SEPTIN5: variants seen among roughly 807,000 people sequenced by gnomAD.
The protein encoded by SEPTIN5 is septin-5.
Under a neutral mutation model 51.2 loss-of-function variants are expected in SEPTIN5, and 16 were observed. The ratio of observed to expected loss-of-function variants is 0.31; its 90% CI spans 0.21 to 0.47. The LOEUF is 0.47. Ranked by LOEUF, SEPTIN5 falls within the 20% of genes least tolerant of loss-of-function variation. The probability of loss-of-function intolerance (pLI) is 0.99; values close to 1 mark genes in which losing one functional copy is unlikely to be tolerated. For synonymous variants in SEPTIN5, 208 were observed against 191.2 expected, an observed-to-expected ratio of 1.09 and a Z score of -0.72; for missense variants, 376 against 500.3, an observed-to-expected ratio of 0.75 and a Z score of 2.37.
At chr22:19,719,720 G>A in intron 3 of SEPTIN5, 22 bp downstream of exon 3, 1 of 1,612,480 alleles carries the variant, frequency 6.2e-7, no homozygotes, top group Non-Finnish European at 8.5e-7. Context: ...AGGCTCCTCG[G>A]GGGAGTGGCT....
In SEPTIN5 at chr22:19,714,777, G is replaced by T. The variant is rs759749766; in HGVS notation, c.44-4G>T. On this transcript the variant is annotated splice_polypyrimidine_tract_variant and splice_region_variant and intron_variant, in intron 1 of 11. Coordinates refer to ENST00000455784, the MANE Select transcript of SEPTIN5 (RefSeq NM_002688.6). The surrounding 1 kb of genome is among the most constrained non-coding windows in gnomAD (Gnocchi z 5.2). The stretch of plus-strand genomic sequence containing the variant: ...CGGACTCGACCCCGACCCCGACCCC[G>T]CAGAGGACAAGCAGGTACGTGCGCA... The T allele has an allele frequency of 3.3e-6, 5 of 1,518,586 alleles. No individual in the cohort carries two copies. In the Admixed American group the frequency reaches 8.9e-5, roughly 27 times the overall value. 94.1% of individuals were successfully genotyped at this position (1,518,586 alleles called of 1,614,324 possible). A position where few individuals can be genotyped will look rare whatever the true frequency, so the allele number is the denominator to read the frequency against.
chr22:19,717,347 G>C (rs760578696), intron 2 of SEPTIN5: 16 of 470,424 alleles, frequency 3.4e-5, no homozygotes, highest in Non-Finnish European at 6.2e-5. Context: ...CCCACAGAGC[G>C]GAGCTCGGGA....
chr22:19,720,292 C>G, intron 5 of SEPTIN5, 28 bp from the exon 6 acceptor site: 1 of 1,613,418 alleles, frequency 6.2e-7, no homozygotes, highest in South Asian at 1.1e-5. Flanking sequence ...GCACTCGAGG[C>G]CTGGCCTCAC....
At position 19,717,205 on chromosome 22, in the gene SEPTIN5, C is replaced by T. The variant is rs1411942238; in HGVS notation, c.55-2397C>T. The T allele has an allele frequency of 7.0e-6, 3 of 428,944 alleles. No homozygotes were observed. In the East Asian group the frequency reaches 2.2e-4, roughly 31 times the overall value. 26.6% of individuals were successfully genotyped at this position (428,944 alleles called of 1,614,324 possible). On this transcript the variant is annotated intron_variant, in intron 2 of 11. Coordinates refer to ENST00000455784, the MANE Select transcript of SEPTIN5 (RefSeq NM_002688.6). ...CGGGTGGGGTGGGGTGGGGTTGGGG[C>T]CTCCAGCTTCTAATGTTCTAATGTG...
intron 2 of SEPTIN5, among the ~76,000 whole-genome samples, chr22:19,716,325 A>G (rs1277472654): frequency 6.6e-6 from 1 of 152,218 alleles, no homozygotes; most frequent in Non-Finnish European, 1.5e-5. Flanking sequence ...AGCCTGTCCA[A>G]GCATTCTTTT....
At position 19,714,810 on chromosome 22, in the gene SEPTIN5, T is replaced by TC. The variant is rs761060093; in HGVS notation, c.54+24dup. 1.9e-6 allele frequency: 3 copies of TC among 1,553,586 alleles called. No homozygotes were observed. In the South Asian group the frequency reaches 3.4e-5, roughly 17 times the overall value. ...CAAGCAGGTACGTGCGCAGCGCCGC[T>TC]CCCCCGCCGGGAGACCCGGCCGGCT... On this transcript the variant is annotated intron_variant, in intron 2 of 11. Coordinates refer to ENST00000455784, the MANE Select transcript of SEPTIN5 (RefSeq NM_002688.6). This position sits in a 1 kb window ranked among gnomAD's most constrained non-coding sequence, Gnocchi z 5.2.
chr22:19,715,742 G>C (rs1289843064), intron 2 of SEPTIN5, among the ~76,000 whole-genome samples: 1 of 152,184 alleles, frequency 6.6e-6, no homozygotes, highest in Non-Finnish European at 1.5e-5. Context: ...GGGCAGGGGG[G>C]CCAGGAGCTG....
chr22:19,722,544 C>T lies in SEPTIN5; in HGVS notation c.*60C>T, dbSNP rs369289593. On this transcript the variant is annotated 3_prime_UTR_variant, in exon 12 of 12. Transcript: ENST00000455784. Reference sequence around the variant, plus strand: ...GCCCTCGCACCCCTGGACACCAGACCGGACTGTTCCCGACCCGGAGACGCG... The same window carrying T: ...GCCCTCGCACCCCTGGACACCAGACTGGACTGTTCCCGACCCGGAGACGCG... 4.8e-5 allele frequency: 73 copies of T among 1,533,618 alleles called. No individual in the cohort carries two copies. In the African/African-American group the frequency reaches 9.1e-4, roughly 19 times the overall value.
chr22:19,722,745 C>T lies in SEPTIN5; in HGVS notation c.*261C>T, dbSNP rs532592326. On this transcript the variant is annotated 3_prime_UTR_variant, in exon 12 of 12. Coordinates refer to ENST00000455784, the MANE Select transcript of SEPTIN5 (RefSeq NM_002688.6). ...AGAGATCCGCCTCCCTTGCCCTTCCCCCGCCCCCGGACGGTCACAGCACCC... is the reference window on the plus strand; with the variant it reads ...AGAGATCCGCCTCCCTTGCCCTTCCTCCGCCCCCGGACGGTCACAGCACCC... 1.8e-6 allele frequency: 1 copy of T among 547,724 alleles called. No homozygotes were observed. The highest frequency in any genetic ancestry group is 3.3e-6 in the Non-Finnish European group (1 of 305,170). 33.9% of individuals were successfully genotyped at this position (547,724 alleles called of 1,614,324 possible).
chr22:19,718,813 C>T (rs1935961629), intron 2 of SEPTIN5: 1 of 1,237,522 alleles, frequency 8.1e-7, no homozygotes, highest in Middle Eastern at 3.1e-4. Context: ...CCAGAGGCGG[C>T]TCAAGGTGCG....
rs1434323715 is a variant in SEPTIN5, at chr22:19,722,309, T to C, written c.1023T>C (p.Thr341=). Reference sequence around the variant, plus strand: ...CGCTGCCCACCCCGGACGCCGAGACTGAGAAGCTTATCAGGATGAAGGATG... The same window carrying C: ...CGCTGCCCACCCCGGACGCCGAGACCGAGAAGCTTATCAGGATGAAGGATG... ...ILPLPTPDAE[T]EKLIRMKDEE... The change falls in exon 11 of 12, where the codon ACT becomes ACC. Residue 341 remains threonine (T), a synonymous_variant. Transcript: ENST00000455784. The C allele has an allele frequency of 2.5e-6, 4 of 1,610,148 alleles. No homozygotes were observed. The highest frequency in any genetic ancestry group is 3.4e-6 in the Non-Finnish European group (4 of 1,178,938).
In SEPTIN5 at chr22:19,714,670, TG is replaced by T; in HGVS notation, c.43+40del. The T allele has an allele frequency of 7.0e-7, 1 of 1,419,790 alleles. No homozygotes were observed. The highest frequency in any genetic ancestry group is 9.5e-7 in the Non-Finnish European group (1 of 1,049,674). 87.9% of individuals were successfully genotyped at this position (1,419,790 alleles called of 1,614,324 possible). A position where few individuals can be genotyped will look rare whatever the true frequency, so the allele number is the denominator to read the frequency against. ...CTGCCCGCGTGCCCGCGCGCGCCTT[TG>T]TCCCCGCCGCCCGCGCGCCTCTCAC... On this transcript the variant is annotated intron_variant, in intron 1 of 11. Transcript: ENST00000455784. This position sits in a 1 kb window ranked among gnomAD's most constrained non-coding sequence, Gnocchi z 5.2.
chr22:19,722,758 G>A lies in SEPTIN5; in HGVS notation c.*274G>A, dbSNP rs930897461. The A allele has an allele frequency of 4.6e-5, 25 of 546,448 alleles. No homozygotes were observed. Among genetic ancestry groups the A allele is most frequent in the African/African-American group, 4.1e-4 (22 of 53,052 alleles). 33.8% of individuals were successfully genotyped at this position (546,448 alleles called of 1,614,324 possible). On this transcript the variant is annotated 3_prime_UTR_variant, in exon 12 of 12. Coordinates refer to ENST00000455784, the MANE Select transcript of SEPTIN5 (RefSeq NM_002688.6). The stretch of plus-strand genomic sequence containing the variant: ...CCTTGCCCTTCCCCCGCCCCCGGAC[G>A]GTCACAGCACCCAAACCGCAGGCCC...
Position 19,714,514 on chromosome 22 carries a change from C to T in SEPTIN5, c.-75C>T, listed in dbSNP as rs1345405325. ...CGGAGGGGCCGCTCACCCCGCAGCC[C>T]GGCCTCGGCCTCCGCCGCTTGTCGT... On this transcript the variant is annotated 5_prime_UTR_variant, in exon 1 of 12. Transcript: ENST00000455784. This position sits in a 1 kb window ranked among gnomAD's most constrained non-coding sequence, Gnocchi z 5.2. The T allele has an allele frequency of 3.8e-6, 4 of 1,065,850 alleles. No homozygotes were observed. The highest frequency in any genetic ancestry group is 4.7e-6 in the Non-Finnish European group (4 of 844,952). 66.0% of individuals were successfully genotyped at this position (1,065,850 alleles called of 1,614,324 possible). A position where few individuals can be genotyped will look rare whatever the true frequency, so the allele number is the denominator to read the frequency against.
Position 19,722,804 on chromosome 22 carries a change from G to A in SEPTIN5, c.*320G>A, listed in dbSNP as rs1936075383. On this transcript the variant is annotated 3_prime_UTR_variant, in exon 12 of 12. Transcript: ENST00000455784. ...GGCCCTGCTCTGGCAGGCAGGCAAA[G>A]CTAGGCAGAAGAGGATTCCCAGGAT... is the stretch of plus-strand genomic sequence containing the variant. The A allele has an allele frequency of 1.0e-5, 5 of 499,260 alleles. No individual in the cohort carries two copies. Among genetic ancestry groups the A allele is most frequent in the Non-Finnish European group, 1.8e-5 (5 of 273,954 alleles). 30.9% of individuals were successfully genotyped at this position (499,260 alleles called of 1,614,324 possible). A position where few individuals can be genotyped will look rare whatever the true frequency, so the allele number is the denominator to read the frequency against.
chr22:19,718,975 G>A, intron 2 of SEPTIN5: 2 of 691,706 alleles, frequency 2.9e-6, no homozygotes, highest in Non-Finnish European at 4.0e-6. Context: ...ACGGTGGGGC[G>A]ACGTGCCCTG....
intron 2 of SEPTIN5, chr22:19,717,299 G>C (rs1462376707): frequency 4.3e-6 from 2 of 470,560 alleles, no homozygotes; most frequent in African/African-American, 4.0e-5. Context: ...CGCTGGGCTT[G>C]CCTGTTGGGA....
At chr22:19,717,264 C>G (rs530472878) in intron 2 of SEPTIN5, 16 of 469,864 alleles carry the variant, frequency 3.4e-5, no homozygotes, top group African/African-American at 1.6e-4. Context: ...TACCCTGGAA[C>G]CTTTCCAGGC....
At chr22:19,722,144 C>A in intron 10 of SEPTIN5, 93 bp from the exon 11 acceptor site, 1 of 1,223,690 alleles carries the variant, frequency 8.2e-7, no homozygotes, top group South Asian at 1.5e-5. Flanking sequence ...AGGGCAGGGC[C>A]TCAGCAGTGG....
Sources: gnomAD v4.1 joint callset for allele counts (sites outside exome capture counted in the v4.1 genomes callset) on GRCh38, gnomAD v4.1.1 for gene constraint, Gnocchi (gnomAD v3.1) non-coding constraint, MANE v1.5 for transcripts, NCBI Gene and HGNC (gene_info 2026-07-23, HGNC 2026-07-21) for gene names.